Variants in KLF15 observed in about 807,000 individuals in gnomAD.
KLF15 encodes the protein KLF transcription factor 15.
A neutral mutation model predicts 24.6 loss-of-function variants in KLF15; 4 were observed. The observed-to-expected ratio is 0.16, with a 90% CI of 0.08 to 0.37. The LOEUF (loss-of-function observed/expected upper bound fraction) is 0.37. Ranked by LOEUF, KLF15 falls within the 10% of genes least tolerant of loss-of-function variation. The pLI is 1.00. For synonymous variants in KLF15, 246 were observed against 236.3 expected, an observed-to-expected ratio of 1.04 and a Z score of -0.37; for missense variants, 496 against 560.6, an observed-to-expected ratio of 0.88 and a Z score of 1.16.
At chr3:126,323,081 AC>A in the KLF15 span, among the ~76,000 whole-genome samples, 1 of 150,550 alleles carries the variant, frequency 6.6e-6, no homozygotes, top group East Asian at 1.9e-4. Context: ...ACATTTGCAC[AC>A]TTTTTAAAAC....
chr3:126,295,310 A>G, the KLF15 span, among the ~76,000 whole-genome samples: 2 of 152,170 alleles, frequency 1.3e-5, no homozygotes, highest in South Asian at 4.2e-4. Flanking sequence ...TACAGTTACT[A>G]TCCACTTTGG....
At chr3:126,288,379 C>G in the KLF15 span, 1 of 152,216 alleles carries the variant, frequency 6.6e-6, no homozygotes, top group Non-Finnish European at 1.5e-5. Context: ...TTTACACATG[C>G]GCACATAATG....
the KLF15 span, among the ~76,000 whole-genome samples, chr3:126,302,872 G>T: frequency 6.6e-6 from 1 of 152,068 alleles, no homozygotes; most frequent in African/African-American, 2.4e-5. Flanking sequence ...CTTTTATCTG[G>T]AGTGTCATGA....
At chr3:126,295,762 G>T in the KLF15 span, among the ~76,000 whole-genome samples, 3 of 152,236 alleles carry the variant, frequency 2.0e-5, no homozygotes, top group African/African-American at 7.2e-5. Context: ...AGCTAAGTCA[G>T]TTTGGCAAGA....
At chr3:126,321,759 G>A in the KLF15 span, among the ~76,000 whole-genome samples, 67,826 of 151,958 alleles carry the variant, frequency 0.45, 15,413 homozygotes, top group Non-Finnish European at 0.47. Context: ...GGGTGTCCCC[G>A]CTGGATGTCT....
At chr3:126,317,825 T>C in the KLF15 span, among the ~76,000 whole-genome samples, 4 of 152,178 alleles carry the variant, frequency 2.6e-5, no homozygotes, top group Non-Finnish European at 5.9e-5. Context: ...TCACTCCTGC[T>C]TAAAAACTTG....
rs1232483598 is a variant in KLF15, at chr3:126,343,521, AG to A, written c.*205del. The A allele has an allele frequency of 1.9e-6, 1 of 540,354 alleles. No homozygotes were observed. Among genetic ancestry groups the A allele is most frequent in the Non-Finnish European group, 3.2e-6 (1 of 313,738 alleles). The allele number at this position is 540,354 out of a possible 1,614,324, so 33.5% of individuals were successfully genotyped here. ...CTCCAGCCCCGTGCGCCTGGGGCCC[AG>A]CCCCCAGGGACGCGGGTTCGAGGCT... On this transcript the variant is annotated 3_prime_UTR_variant, in exon 3 of 3. Transcript: ENST00000296233.
Position 126,352,663 on chromosome 3 carries a change from C to T in KLF15, c.260G>A (p.Gly87Asp), listed in dbSNP as rs756659906. The T allele has an allele frequency of 1.3e-6, 2 of 1,598,914 alleles. No individual in the cohort carries two copies. Among genetic ancestry groups the T allele is most frequent in the Non-Finnish European group, 1.7e-6 (2 of 1,173,134 alleles). ...LDFLLSQATL[G>D]SGGGSGSSIG... Reference sequence around the variant, plus strand: ...GCTACTGCCGCTGCCCCCGCCACTGCCCAGCGTGGCCTGGGACAATAGGAA... The same window carrying T: ...GCTACTGCCGCTGCCCCCGCCACTGTCCAGCGTGGCCTGGGACAATAGGAA... The change falls in exon 2 of 3, where the codon GGC (glycine) becomes GAC (aspartate). Residue 87 changes from glycine (G) to aspartate (D), a missense_variant. Transcript: ENST00000296233.
chr3:126,294,864 T>TACACAC, the KLF15 span, among the ~76,000 whole-genome samples: 1,601 of 141,948 alleles, frequency 0.011, 17 homozygotes, highest in Middle Eastern at 0.026. Flanking sequence ...TGCCCCTCCA[T>TACACAC]ACACACACAC....
the KLF15 span, among the ~76,000 whole-genome samples, chr3:126,324,782 CT>C: frequency 1.1e-3 from 67 of 62,516 alleles, no homozygotes; most frequent in Non-Finnish European, 1.7e-3. Context: ...GATCTTTTTG[CT>C]TTTAATTTTT....
Position 126,352,856 on chromosome 3 carries a change from C to G in KLF15, c.67G>C (p.Gly23Arg), listed in dbSNP as rs1464951285. ...GCCCGCCGGCCAACCAGCCTATCAC[C>G]CAGATACCCAACTGGGCATTTTGGC... ...SSPKCPVGYLGDRLVGRRAYH... is the reference protein window; with the variant it reads ...SSPKCPVGYLRDRLVGRRAYH... The change falls in exon 2 of 3, where the codon GGT (glycine) becomes CGT (arginine). Residue 23 changes from glycine to arginine, a missense_variant. Coordinates refer to ENST00000296233, the MANE Select transcript of KLF15 (RefSeq NM_014079.4). 1 of 1,612,338 alleles carries G rather than the reference C, an allele frequency of 6.2e-7. No individual in the cohort carries two copies. Among genetic ancestry groups the G allele is most frequent in the Non-Finnish European group, 8.5e-7 (1 of 1,179,746 alleles).
chr3:126,352,499 C>T lies in KLF15; in HGVS notation c.424G>A (p.Glu142Lys). The T allele has an allele frequency of 6.2e-7, 1 of 1,613,394 alleles. No individual in the cohort carries two copies. The change falls in exon 2 of 3, where the codon GAG (glutamate) becomes AAG (lysine). Residue 142 changes from glutamate (E) to lysine (K), a missense_variant. This residue lies in a region of KLF15 where 399 missense variants were observed against 423.1 expected (regional missense o/e 0.94). Transcript: ENST00000296233. ...DVPRPFQPTLEEIEEFLEENM... is the reference protein window; with the variant it reads ...DVPRPFQPTLKEIEEFLEENM... ...TCCTCCAGAAACTCTTCAATCTCCT[C>T]CAGGGTAGGCTGGAAGGGCCGTGGG...
At chr3:126,300,560 C>T in the KLF15 span, among the ~76,000 whole-genome samples, 1 of 152,238 alleles carries the variant, frequency 6.6e-6, no homozygotes. Context: ...CAATGTGCGG[C>T]TTTCCGGCTT....
chr3:126,356,841 C>T lies in KLF15; in HGVS notation c.-26+396G>A, dbSNP rs2082636355. ...CACTGCTGCGGTGACCGACAGTAAC[C>T]CCTCCGTCTCCAGCCCCTCCGCCCC... On this transcript the variant is annotated intron_variant, in intron 1 of 2. Coordinates refer to ENST00000296233, the MANE Select transcript of KLF15 (RefSeq NM_014079.4). This position sits in a 1 kb window ranked among gnomAD's most constrained non-coding sequence, Gnocchi z 4.4. 6.6e-6 allele frequency among the ~76,000 whole-genome samples: 1 copy of T among 151,742 alleles called. No homozygotes were observed. Among genetic ancestry groups the T allele is most frequent in the African/African-American group, 2.4e-5 (1 of 41,328 alleles).
the KLF15 span, among the ~76,000 whole-genome samples, chr3:126,326,174 C>G: frequency 1.9e-5 from 2 of 106,830 alleles, no homozygotes; most frequent in Admixed American, 2.1e-4. Context: ...ATCTATATCT[C>G]TGTTTTGGTA....
At position 126,343,838 on chromosome 3, in the gene KLF15, C is replaced by T. The variant is rs759673852; in HGVS notation, c.1140G>A (p.Pro380=). The T allele has an allele frequency of 1.2e-6, 2 of 1,610,874 alleles. No individual in the cohort carries two copies. The highest frequency in any genetic ancestry group is 2.2e-5 in the East Asian group (1 of 44,822). The change falls in exon 3 of 3, where the codon CCG becomes CCA. Residue 380 remains proline, a synonymous_variant. Transcript: ENST00000296233. ...TCTTCTCGCACACAGGACACTGGTA[C>T]GGCTTCACACCTGAGTGCGAGCGCC... ...RHRRSHSGVK[P]YQCPVCEKKF...
At chr3:126,314,444 A>G in the KLF15 span, among the ~76,000 whole-genome samples, 3 of 152,138 alleles carry the variant, frequency 2.0e-5, no homozygotes, top group African/African-American at 7.2e-5. Context: ...GGAAGCAGAG[A>G]ATCAGAACAC....
chr3:126,340,852 C>T (rs1408214347), downstream of KLF15, among the ~76,000 whole-genome samples: 1 of 152,156 alleles, frequency 6.6e-6, no homozygotes, highest in Non-Finnish European at 1.5e-5. Context: ...CTGTAACAGA[C>T]TCTCAACCCC....
the KLF15 span, among the ~76,000 whole-genome samples, chr3:126,295,083 T>C: frequency 6.6e-6 from 1 of 152,116 alleles, no homozygotes; most frequent in Non-Finnish European, 1.5e-5. Context: ...TAGATACACA[T>C]AGATGCACAT....
Sources: allele counts gnomAD v4.1 joint callset (sites outside exome capture counted in the v4.1 genomes callset), GRCh38; gene constraint gnomAD v4.1.1; regional missense constraint gnomAD v4.1.1; non-coding constraint Gnocchi (gnomAD v3.1); transcripts MANE v1.5; gene names NCBI Gene and HGNC (gene_info 2026-07-23, HGNC 2026-07-21).